Variants in CHTF18 observed in about 807,000 individuals in gnomAD.
CHTF18 encodes chromosome transmission fidelity factor 18.
A neutral mutation model predicts 113.4 loss-of-function variants in CHTF18; 151 were observed. The ratio of observed to expected loss-of-function variants is 1.33; its 90% CI spans 1.17 to 1.52. The LOEUF (loss-of-function observed/expected upper bound fraction) is 1.52. CHTF18 is among the 40% of genes most tolerant of loss of function. CHTF18 has a pLI of 0.00. For missense variants in CHTF18, 1,982 were observed against 1,381.6 expected (o/e 1.43, Z -6.89); for synonymous variants, 916 against 598.8 (o/e 1.53, Z -7.74).
chr16:795,439 G>GCC lies in CHTF18; in HGVS notation c.2175+85_2175+86dup, dbSNP rs1365913477. 795 of 595,900 alleles carry GCC rather than the reference G, an allele frequency of 1.3e-3. 39 individuals carry two copies. The highest frequency in any genetic ancestry group is 0.011 in the East Asian group (303 of 26,742). 36.9% of individuals were successfully genotyped at this position (595,900 alleles called of 1,614,324 possible). A position where few individuals can be genotyped will look rare whatever the true frequency, so the allele number is the denominator to read the frequency against. On this transcript the variant is annotated intron_variant, in intron 16 of 21. Coordinates refer to ENST00000262315, the MANE Select transcript of CHTF18 (RefSeq NM_022092.3). ...CCCGTGTGGCTGCCCCCGGCCCCGTGCCCGCCCCCCCAAACACACTGCCCG... is the reference window on the plus strand; with the variant it reads ...CCCGTGTGGCTGCCCCCGGCCCCGTGCCCCCGCCCCCCCAAACACACTGCCCG...
chr16:788,735 C>T lies in CHTF18; in HGVS notation c.51C>T (p.Asn17=), dbSNP rs1182807253. The change falls in exon 1 of 22, where the codon AAC becomes AAT. Residue 17 remains asparagine (N), a synonymous_variant. Transcript: ENST00000262315. Reference sequence around the variant, plus strand: ...GCGGCGTCGAGGATGATTTCCACAACCAGTTCGCGGCCGAGCTGGAGGTGC... The same window carrying T: ...GCGGCGTCGAGGATGATTTCCACAATCAGTTCGCGGCCGAGCTGGAGGTGC... ...ELCGVEDDFH[N]QFAAELEVLA... is the part of the protein sequence containing the mutation. 1 of 1,603,150 alleles carries T rather than the reference C, an allele frequency of 6.2e-7. No homozygotes were observed. The highest frequency in any genetic ancestry group is 1.1e-5 in the South Asian group (1 of 89,686).
At chr16:790,088 C>T (rs775042730) in intron 4 of CHTF18, 89 bp from the exon 5 acceptor site, 52 of 1,538,624 alleles carry the variant, frequency 3.4e-5, no homozygotes, top group Middle Eastern at 1.7e-4. Flanking sequence ...TGGGGTTGTC[C>T]CACCCGGGTC....
rs372933463 is a variant in CHTF18 at position 792,946 on chromosome 16, C to T, written c.1573-20C>T. Reference sequence around the variant, plus strand: ...GGATGGGGCATACCATCGGGCCCTCCAGCAGCCCTTCTCCACCAGGTCTCC... The same window carrying T: ...GGATGGGGCATACCATCGGGCCCTCTAGCAGCCCTTCTCCACCAGGTCTCC... On this transcript the variant is annotated intron_variant, in intron 12 of 21. Transcript: ENST00000262315. 80 of 1,549,440 alleles carry T rather than the reference C, an allele frequency of 5.2e-5. No homozygotes were observed. In the African/African-American group the frequency reaches 8.6e-4, roughly 17 times the overall value.
intron 4 of CHTF18, chr16:789,960 G>A (rs1484935057): frequency 2.0e-6 from 3 of 1,533,108 alleles, no homozygotes; most frequent in Non-Finnish European, 2.6e-6. Context: ...TCCTGCTTTT[G>A]CCCTTTCCTC....
rs1212063477 is a variant in CHTF18 at position 789,546 on chromosome 16, G to C, written c.438-1G>C. Reference sequence around the variant, plus strand: ...GCCACTGAGCCCCGGTCTCTCTCCAGAGTCTCAGAAGCTGCTGCCGACGTG... The same window carrying C: ...GCCACTGAGCCCCGGTCTCTCTCCACAGTCTCAGAAGCTGCTGCCGACGTG... On this transcript the variant is annotated splice_acceptor_variant, in intron 3 of 21. Transcript: ENST00000262315. LOFTEE classifies it high-confidence loss of function. 1 of 1,597,214 alleles carries C rather than the reference G, an allele frequency of 6.3e-7. No individual in the cohort carries two copies. The highest frequency in any genetic ancestry group is 8.5e-7 in the Non-Finnish European group (1 of 1,172,230).
rs149853723 is a variant in CHTF18 at position 792,787 on chromosome 16, G to A, written c.1548G>A (p.Ser516=). The A allele has an allele frequency of 2.1e-5, 33 of 1,544,030 alleles. No homozygotes were observed. Among genetic ancestry groups the A allele is most frequent in the Non-Finnish European group, 2.6e-5 (30 of 1,148,824 alleles). Residue 516 remains serine, a synonymous_variant, in exon 12 of 22, where the codon TCG becomes TCA. Transcript: ENST00000262315. The part of the protein sequence containing the change: ...FLLHFPPTLP[S]RLVQRLQEVS... ...TCCACTTCCCGCCGACTCTGCCCTC[G>A]AGGCTGGTGCAGCGGCTCCAGGAGG...
In CHTF18 at chr16:797,713, G is replaced by A. The variant is rs1053922818; in HGVS notation, c.2753G>A (p.Gly918Glu). ...REEQPEKDFF[G>E]RVVVRSTAVP... is the part of the protein sequence containing the mutation. The stretch of plus-strand genomic sequence containing the variant: ...CATCAGCCTGAGAAGGACTTCTTTG[G>A]ACGTGTGGTCGTCAGGAGCACAGCA... The change falls in exon 21 of 22, where the codon GGA becomes GAA. Residue 918 changes from glycine to glutamate, a missense_variant. Transcript: ENST00000262315. 1 of 1,610,646 alleles carries A rather than the reference G, an allele frequency of 6.2e-7. No individual in the cohort carries two copies. Among genetic ancestry groups the A allele is most frequent in the Non-Finnish European group, 8.5e-7 (1 of 1,179,264 alleles).
rs1789576319 is a variant in CHTF18 at position 796,709 on chromosome 16, C to T, written c.2457-8C>T. ...TGACCTGCCCTGGTGTCCCCCTGTG[C>T]TGAGCAGGAACGTGGAGGAACTCTG... On this transcript the variant is annotated splice_polypyrimidine_tract_variant and splice_region_variant and intron_variant, in intron 18 of 21. Transcript: ENST00000262315. The T allele has an allele frequency of 2.5e-6, 4 of 1,595,084 alleles. No homozygotes were observed. Among genetic ancestry groups the T allele is most frequent in the Admixed American group, 1.7e-5 (1 of 59,414 alleles).
At position 797,727 on chromosome 16, in the gene CHTF18, A is replaced by G. The variant is rs749501527; in HGVS notation, c.2767A>G (p.Arg923Gly). ...GGACTTCTTTGGACGTGTGGTCGTC[A>G]GGAGCACAGCAGTCCCGAGTGCAGG... ...EKDFFGRVVVRSTAVPSAGDT... is the reference protein window; with the variant it reads ...EKDFFGRVVVGSTAVPSAGDT... The change falls in exon 21 of 22, where the codon AGG becomes GGG. Residue 923 changes from arginine to glycine, a missense_variant. Coordinates refer to ENST00000262315, the MANE Select transcript of CHTF18 (RefSeq NM_022092.3). 1 of 1,586,940 alleles carries G rather than the reference A, an allele frequency of 6.3e-7. No homozygotes were observed. The highest frequency in any genetic ancestry group is 1.1e-5 in the South Asian group (1 of 90,396).
At chr16:794,445 T>A (rs1596764628) in intron 15 of CHTF18, among the ~76,000 whole-genome samples, 2 of 150,234 alleles carry the variant, frequency 1.3e-5, no homozygotes, top group South Asian at 4.2e-4. Context: ...ACGGGGGAGG[T>A]CGCTCTGGTG....
rs922201296 is a variant in CHTF18, at chr16:793,077, C to T, written c.1671+13C>T. On this transcript the variant is annotated intron_variant, in intron 13 of 21. Transcript: ENST00000262315. ...CAACACCCTGCAGGTGGGCGGCCGG[C>T]AGGCACCGGGTGGGGTGGGGTGGGG... is the stretch of plus-strand genomic sequence containing the variant. 4.7e-6 allele frequency: 7 copies of T among 1,495,928 alleles called. No individual in the cohort carries two copies. The African/African-American group carries it at 5.5e-5, about 12-fold the overall frequency. The allele number at this position is 1,495,928 out of a possible 1,614,324, so 92.7% of individuals were successfully genotyped here.
rs767058760 is a variant in CHTF18 at position 788,626 on chromosome 16, T to A, written c.-59T>A. ...CGCCCGGCACGCTCGGGGCGGGCAG[T>A]GCGCGACGGCGGCGGCGGCGCGGGA... is the stretch of plus-strand genomic sequence containing the variant. On this transcript the variant is annotated 5_prime_UTR_variant, in exon 1 of 22. Coordinates refer to ENST00000262315, the MANE Select transcript of CHTF18 (RefSeq NM_022092.3). 4.3e-4 allele frequency: 591 copies of A among 1,362,408 alleles called. 1 individual carries two copies. Among genetic ancestry groups the A allele is most frequent in the Admixed American group, 5.3e-4 (18 of 33,668 alleles). The allele number at this position is 1,362,408 out of a possible 1,614,324, so 84.4% of individuals were successfully genotyped here. A position where few individuals can be genotyped will look rare whatever the true frequency, so the allele number is the denominator to read the frequency against.
rs748023419 is a variant in CHTF18, at chr16:796,521, T to TG, written c.2457-195dup. 197 of 624,676 alleles carry TG rather than the reference T, an allele frequency of 3.2e-4. No individual in the cohort carries two copies. The East Asian group carries it at 5.1e-3, about 16-fold the overall frequency. 38.7% of individuals were successfully genotyped at this position (624,676 alleles called of 1,614,324 possible). A position where few individuals can be genotyped will look rare whatever the true frequency, so the allele number is the denominator to read the frequency against. On this transcript the variant is annotated intron_variant, in intron 18 of 21. Coordinates refer to ENST00000262315, the MANE Select transcript of CHTF18 (RefSeq NM_022092.3). The stretch of plus-strand genomic sequence containing the variant: ...GTTTCATCATCATCCCACGTACACT[T>TG]GCAGTTGGGGAAACTGAGGCTCGGG...
rs2042307401 is a variant in CHTF18 at position 795,347 on chromosome 16, C to T, written c.2166C>T (p.Ser722=). 1 of 1,547,296 alleles carries T rather than the reference C, an allele frequency of 6.5e-7. No homozygotes were observed. The highest frequency in any genetic ancestry group is 1.4e-5 in the African/African-American group (1 of 72,874). ...CACCCAGGATCACCTTCCCCAGCAG[C>T]CAGCAGGAGGTGTGCTCGTCCCTGC... ...SHTPRITFPS[S]QQEAQNRMSQ... The change falls in exon 16 of 22, where the codon AGC becomes AGT. Residue 722 remains serine, a synonymous_variant. Coordinates refer to ENST00000262315, the MANE Select transcript of CHTF18 (RefSeq NM_022092.3).
rs1313185497 is a variant in CHTF18, at chr16:795,940, C to T, written c.2326-7C>T. The T allele has an allele frequency of 3.7e-6, 6 of 1,609,846 alleles. No homozygotes were observed. The highest frequency in any genetic ancestry group is 2.7e-5 in the African/African-American group (2 of 74,918). ...CAGCTCCCTGTCTGCTGCCTCCCAT[C>T]CCCTAGGTGAGCACACAGCTGTACA... On this transcript the variant is annotated splice_polypyrimidine_tract_variant and splice_region_variant and intron_variant, in intron 17 of 21. Coordinates refer to ENST00000262315, the MANE Select transcript of CHTF18 (RefSeq NM_022092.3).
intron 8 of CHTF18, 189 bp downstream of exon 8, chr16:791,559 T>C (rs1056913189): frequency 3.5e-6 from 5 of 1,434,742 alleles, no homozygotes; most frequent in Non-Finnish European, 3.6e-6. Context: ...TCGTTGTCCC[T>C]GAAGGGCTCT....
At chr16:790,309 GC>G in intron 5 of CHTF18, 37 bp from the exon 6 acceptor site, 1 of 1,610,318 alleles carries the variant, frequency 6.2e-7, no homozygotes, top group Non-Finnish European at 8.5e-7. Context: ...TGGCGGGGCC[GC>G]CTGAGCCCTC....
rs922954072 is a variant in CHTF18 at position 795,745 on chromosome 16, C to G, written c.2236C>G (p.Pro746Ala). ...LIQTLVSGIA[P>A]ATRSRATPQA... ...CCAGACGCTGGTGTCCGGCATCGCGCCAGCCACGCGCAGCCGGGCCACGCC... is the reference window on the plus strand; with the variant it reads ...CCAGACGCTGGTGTCCGGCATCGCGGCAGCCACGCGCAGCCGGGCCACGCC... The change falls in exon 17 of 22, where the codon CCA becomes GCA. Residue 746 changes from proline (P) to alanine (A), a missense_variant. Pro to Ala is a conservative substitution (Grantham distance 27, BLOSUM62 -1). Coordinates refer to ENST00000262315, the MANE Select transcript of CHTF18 (RefSeq NM_022092.3). The G allele has an allele frequency of 5.0e-6, 8 of 1,608,534 alleles. No homozygotes were observed. The highest frequency in any genetic ancestry group is 2.2e-5 in the East Asian group (1 of 44,660).
intron 7 of CHTF18, 118 bp downstream of exon 7, chr16:790,784 T>C (rs2042176328): frequency 4.2e-6 from 6 of 1,437,102 alleles, no homozygotes; most frequent in Non-Finnish European, 5.4e-6. Context: ...GAGTGGGCTC[T>C]GGTTTGCCCT....
Sources: gnomAD v4.1 joint callset for allele counts (sites outside exome capture counted in the v4.1 genomes callset) on GRCh38, gnomAD v4.1.1 for gene constraint, MANE v1.5 for transcripts, NCBI Gene and HGNC (gene_info 2026-07-23, HGNC 2026-07-21) for gene names.